Variants in UNC13C observed in about 807,000 individuals in gnomAD.
UNC13C encodes unc-13 homolog C, also known as protein unc-13 homolog C.
Under a neutral mutation model 245.4 loss-of-function variants are expected in UNC13C, and 174 were observed. That is an observed-to-expected ratio of 0.71 (90% CI 0.63 to 0.80). The LOEUF (loss-of-function observed/expected upper bound fraction) is 0.80. UNC13C is among the 30% of genes least tolerant of loss of function. UNC13C has a pLI of 0.00. For missense variants in UNC13C, 2,829 were observed against 2,602.9 expected (o/e 1.09, Z -1.89); for synonymous variants, 992 against 895.1 (o/e 1.11, Z -1.93).
At chr15:54,292,979 A>G (rs1043848222) in intron 10 of UNC13C, among the ~76,000 whole-genome samples, 20 of 149,856 alleles carry the variant, frequency 1.3e-4, no homozygotes, top group African/African-American at 4.6e-4. Flanking sequence ...CATATATAAT[A>G]TGTATATTCT....
chr15:54,148,618 G>A (rs973863383), intron 4 of UNC13C, among the ~76,000 whole-genome samples: 1 of 152,060 alleles, frequency 6.6e-6, no homozygotes, highest in Admixed American at 6.6e-5. Context: ...CTCTCCAGGG[G>A]CTCTTCACCT....
chr15:54,566,204 A>C (rs1357852328), intron 29 of UNC13C, among the ~76,000 whole-genome samples: 3 of 152,014 alleles, frequency 2.0e-5, no homozygotes, highest in African/African-American at 7.2e-5. Context: ...ATACAGAGTC[A>C]AGACCAATCT....
At chr15:54,095,664 A>G (rs1015557023) in intron 2 of UNC13C, among the ~76,000 whole-genome samples, 11 of 152,214 alleles carry the variant, frequency 7.2e-5, no homozygotes, top group African/African-American at 2.7e-4. Flanking sequence ...CAGGCGATTT[A>G]TATTCACAGT....
chr15:54,255,068 A>G (rs1027297660), intron 8 of UNC13C, among the ~76,000 whole-genome samples: 9 of 152,148 alleles, frequency 5.9e-5, no homozygotes, highest in Non-Finnish European at 1.3e-4. Flanking sequence ...AGGGGAGTAT[A>G]CAGATGGGTA....
the UNC13C span, among the ~76,000 whole-genome samples, chr15:53,920,472 T>C: frequency 6.6e-6 from 1 of 152,216 alleles, no homozygotes; most frequent in African/African-American, 2.4e-5. Flanking sequence ...GAAAACTGCT[T>C]GGACCGGGAG....
At chr15:53,911,166 C>T in the UNC13C span, 1 of 152,156 alleles carries the variant, frequency 6.6e-6, no homozygotes, top group Non-Finnish European at 1.5e-5. Flanking sequence ...AGGGACCTCC[C>T]AGGACAAGCT....
chr15:54,285,370 A>G (rs747442757), intron 10 of UNC13C, among the ~76,000 whole-genome samples: 15 of 152,170 alleles, frequency 9.9e-5, no homozygotes, highest in African/African-American at 3.4e-4. Flanking sequence ...TCCATCTACT[A>G]TAATAGAATT....
At chr15:54,600,310 T>G (rs1316329824) in intron 30 of UNC13C, among the ~76,000 whole-genome samples, 1 of 152,052 alleles carries the variant, frequency 6.6e-6, no homozygotes. Flanking sequence ...AGAAAAGGGC[T>G]ATCTAGGGAG....
intron 17 of UNC13C, among the ~76,000 whole-genome samples, chr15:54,348,095 G>C (rs1245876752): frequency 6.6e-6 from 1 of 152,118 alleles, no homozygotes; most frequent in Admixed American, 6.6e-5. Context: ...TATCTATGCT[G>C]ATTCATGTAT....
the UNC13C span, among the ~76,000 whole-genome samples, chr15:53,878,257 C>A: frequency 1.3e-5 from 2 of 152,114 alleles, no homozygotes; most frequent in African/African-American, 4.8e-5. Flanking sequence ...CTCCTCACCG[C>A]CAAACCTCAA....
At chr15:53,882,262 A>T in the UNC13C span, among the ~76,000 whole-genome samples, 1 of 152,344 alleles carries the variant, frequency 6.6e-6, no homozygotes, top group Middle Eastern at 3.4e-3. Context: ...AGCTTCCATT[A>T]CCTAATGGTT....
At chr15:54,236,177 A>G (rs893076288) in intron 5 of UNC13C, among the ~76,000 whole-genome samples, 6 of 152,214 alleles carry the variant, frequency 3.9e-5, no homozygotes, top group Non-Finnish European at 7.3e-5. Flanking sequence ...AACTTTTTAC[A>G]TCAGTAATTT....
chr15:54,199,252 A>G (rs537265917), intron 4 of UNC13C, among the ~76,000 whole-genome samples: 2 of 152,286 alleles, frequency 1.3e-5, no homozygotes, highest in South Asian at 4.1e-4. Flanking sequence ...GAAATCTACA[A>G]GTTTGGAAAA....
chr15:54,011,202 G>A (rs900794887), intron 1 of UNC13C, among the ~76,000 whole-genome samples: 1 of 152,156 alleles, frequency 6.6e-6, no homozygotes, highest in Non-Finnish European at 1.5e-5. Flanking sequence ...GTGAGTTCGT[G>A]TGTGCAACTG....
chr15:54,060,624 A>T (rs1238427034), intron 2 of UNC13C, among the ~76,000 whole-genome samples: 1 of 152,114 alleles, frequency 6.6e-6, no homozygotes, highest in Non-Finnish European at 1.5e-5. Context: ...CTGGGTATAT[A>T]CCCAAAGGAT....
At chr15:53,936,855 TC>T in the UNC13C span, among the ~76,000 whole-genome samples, 2 of 151,076 alleles carry the variant, frequency 1.3e-5, no homozygotes, top group South Asian at 4.2e-4. Context: ...CAACAAAAAG[TC>T]CCCCCAAAAA....
intron 4 of UNC13C, among the ~76,000 whole-genome samples, chr15:54,152,948 T>C (rs1160507793): frequency 6.6e-6 from 1 of 152,170 alleles, no homozygotes; most frequent in Non-Finnish European, 1.5e-5. Flanking sequence ...AATGAATGAA[T>C]ACCTTATTCC....
chr15:54,499,402 G>C (rs1332053176), intron 20 of UNC13C, among the ~76,000 whole-genome samples: 1 of 152,060 alleles, frequency 6.6e-6, no homozygotes. Flanking sequence ...TTTTGGTGGG[G>C]ACACAGATCC....
chr15:54,447,720 A>AT (rs1380530895), intron 19 of UNC13C, among the ~76,000 whole-genome samples: 1 of 152,142 alleles, frequency 6.6e-6, no homozygotes, highest in East Asian at 1.9e-4. Flanking sequence ...TTTCAAAAAA[A>AT]CCAGCTCCTG....
Sources: allele counts gnomAD v4.1 joint callset (sites outside exome capture counted in the v4.1 genomes callset), GRCh38; gene constraint gnomAD v4.1.1; transcripts MANE v1.5; gene names NCBI Gene and HGNC (gene_info 2026-07-23, HGNC 2026-07-21).